The following SCML4 variants were observed in gnomAD, a reference collection of about 807,000 sequenced individuals.
SCML4 encodes Scm polycomb group protein like 4, also known as sex comb on midleg-like protein 4.
Under a neutral mutation model 41.1 loss-of-function variants are expected in SCML4, and 34 were observed. The ratio of observed to expected loss-of-function variants is 0.83; its 90% CI spans 0.63 to 1.10. The LOEUF (loss-of-function observed/expected upper bound fraction) is 1.10, where lower values mean the gene tolerates loss of function less well. SCML4 is among the 50% of genes least tolerant of loss of function. The pLI, the probability that SCML4 is intolerant of heterozygous loss-of-function variation, is 0.00. For synonymous variants in SCML4, 214 were observed against 220.9 expected, an observed-to-expected ratio of 0.97 and a Z score of 0.28; for missense variants, 522 against 534.1, an observed-to-expected ratio of 0.98 and a Z score of 0.22.
intron 5 of SCML4, among the ~76,000 whole-genome samples, chr6:107,744,319 C>T (rs1777862941): frequency 1.3e-5 from 2 of 152,178 alleles, no homozygotes; most frequent in African/African-American, 4.8e-5. Flanking sequence ...CCAAGGGCCA[C>T]TTTTCCATCC....
In SCML4 at chr6:107,703,643, G is replaced by A. The variant is rs527422607; in HGVS notation, c.*1557C>T. On this transcript the variant is annotated 3_prime_UTR_variant, in exon 8 of 8. Transcript: ENST00000369020. ...TCTGTACAACGGCAGCTGATCAAGCGGTGAGGAGGTTGAGCCCCCACCCTG... is the reference window on the plus strand; with the variant it reads ...TCTGTACAACGGCAGCTGATCAAGCAGTGAGGAGGTTGAGCCCCCACCCTG... Among the ~76,000 whole-genome samples the A allele has an allele frequency of 2.0e-5, 3 of 152,274 alleles. No individual in the cohort carries two copies. Among genetic ancestry groups the A allele is most frequent in the East Asian group, 1.9e-4 (1 of 5,178 alleles).
At chr6:107,827,287 AAT>A (rs981049220), upstream of SCML4, among the ~76,000 whole-genome samples, 7 of 146,304 alleles carry the variant, frequency 4.8e-5, no homozygotes, top group African/African-American at 1.7e-4. Flanking sequence ...TTTTTATTTA[AAT>A]ATATATTTGT....
chr6:107,730,514 T>C (rs1287574837), intron 5 of SCML4, among the ~76,000 whole-genome samples: 1 of 152,230 alleles, frequency 6.6e-6, no homozygotes, highest in African/African-American at 2.4e-5. Context: ...TACTCACTTC[T>C]GTAACCCTCT....
rs111981256 is a variant in SCML4, at chr6:107,749,617, A to T, written c.286+67T>A. The T allele has an allele frequency of 2.3e-5, 36 of 1,570,742 alleles. 1 individual carries two copies. The African/African-American group carries it at 3.8e-4, about 17-fold the overall frequency. ...ACAACTCTTTAATCCACAAAGTAACAATTAGATGGTAGCTGCCCTGTTCTC... is the reference window on the plus strand; with the variant it reads ...ACAACTCTTTAATCCACAAAGTAACTATTAGATGGTAGCTGCCCTGTTCTC... On this transcript the variant is annotated intron_variant, in intron 3 of 7. Coordinates refer to ENST00000369020, the MANE Select transcript of SCML4 (RefSeq NM_198081.5).
In SCML4 at chr6:107,702,568, T is replaced by G. The variant is rs549606334; in HGVS notation, c.*2632A>C. Reference sequence around the variant, plus strand: ...AAAAAGAGGAGTGAAAAACCTGGATTGTTGTGGGATTTTTCTGGATCTCAT... The same window carrying G: ...AAAAAGAGGAGTGAAAAACCTGGATGGTTGTGGGATTTTTCTGGATCTCAT... On this transcript the variant is annotated 3_prime_UTR_variant, in exon 8 of 8. Coordinates refer to ENST00000369020, the MANE Select transcript of SCML4 (RefSeq NM_198081.5). Among the ~76,000 whole-genome samples, 1 of 152,130 alleles carries G rather than the reference T, an allele frequency of 6.6e-6. No individual in the cohort carries two copies. The highest frequency in any genetic ancestry group is 1.5e-5 in the Non-Finnish European group (1 of 68,024).
At position 107,762,923 on chromosome 6, in the gene SCML4, C is replaced by T. The variant is rs532463221; in HGVS notation, c.156+9249G>A. Among the ~76,000 whole-genome samples the T allele has an allele frequency of 3.3e-5, 4 of 121,198 alleles. No individual in the cohort carries two copies. In the South Asian group the frequency reaches 1.2e-3, roughly 36 times the overall value. The allele number at this position is 121,198 out of a possible 152,430, so 79.5% of individuals were successfully genotyped here. On this transcript the variant is annotated intron_variant, in intron 2 of 7. Coordinates refer to ENST00000369020, the MANE Select transcript of SCML4 (RefSeq NM_198081.5). ...TTTTGTTCAAGGTCTCACTCTGTCA[C>T]TCAAGCTATAGTGCAGTGACACAAT...
intron 2 of SCML4, among the ~76,000 whole-genome samples, chr6:107,761,822 A>T (rs1188008605): frequency 6.7e-6 from 1 of 150,084 alleles, no homozygotes; most frequent in Non-Finnish European, 1.5e-5. Context: ...TTTTTTTTCA[A>T]AAGTGAAGGT....
intron 5 of SCML4, among the ~76,000 whole-genome samples, chr6:107,736,280 T>C (rs1777058609): frequency 6.6e-6 from 1 of 152,236 alleles, no homozygotes; most frequent in Non-Finnish European, 1.5e-5. Context: ...TTCACATCTT[T>C]GCTAGAAGCA....
At chr6:107,752,686 G>A (rs1213059951) in intron 2 of SCML4, among the ~76,000 whole-genome samples, 2 of 152,126 alleles carry the variant, frequency 1.3e-5, no homozygotes, top group Non-Finnish European at 2.9e-5. Context: ...GACTAGGAGT[G>A]GCCATTAGAT....
At position 107,712,551 on chromosome 6, in the gene SCML4, T is replaced by C. The variant is rs538876228; in HGVS notation, c.974-4540A>G. On this transcript the variant is annotated intron_variant, in intron 6 of 7. Coordinates refer to ENST00000369020, the MANE Select transcript of SCML4 (RefSeq NM_198081.5). ...GGCTTGCTGTGGGCACTTTTCACTTTTCCAGGATGGAGCAGAGGCAGCAGG... is the reference window on the plus strand; with the variant it reads ...GGCTTGCTGTGGGCACTTTTCACTTCTCCAGGATGGAGCAGAGGCAGCAGG... Among the ~76,000 whole-genome samples the C allele has an allele frequency of 3.3e-5, 5 of 152,282 alleles. No individual in the cohort carries two copies. In the South Asian group the frequency reaches 1.0e-3, roughly 32 times the overall value.
At chr6:107,825,983 G>A (rs1383824783), upstream of SCML4, among the ~76,000 whole-genome samples, 63 of 144,680 alleles carry the variant, frequency 4.4e-4, no homozygotes, top group African/African-American at 1.2e-3. Context: ...GGCTAGGTGT[G>A]GTGGCTCATG....
chr6:107,758,015 T>C (rs1779250264), intron 2 of SCML4, among the ~76,000 whole-genome samples: 1 of 152,174 alleles, frequency 6.6e-6, no homozygotes. Context: ...GTAATACCTA[T>C]CCTTTCCAAG....
At chr6:107,803,301 C>T (rs1783405112) in intron 1 of SCML4, among the ~76,000 whole-genome samples, 3 of 149,706 alleles carry the variant, frequency 2.0e-5, no homozygotes, top group Admixed American at 2.0e-4. Flanking sequence ...AAGTGAGGAG[C>T]CCCTCCGCCC....
chr6:107,820,713 C>T (rs957635937), intron 1 of SCML4, among the ~76,000 whole-genome samples: 5 of 152,222 alleles, frequency 3.3e-5, no homozygotes, highest in South Asian at 2.1e-4. Context: ...CCAGGGCGTT[C>T]GGACTTGGTA....
chr6:107,805,892 A>G (rs1487445614), intron 1 of SCML4, among the ~76,000 whole-genome samples: 2 of 152,202 alleles, frequency 1.3e-5, no homozygotes, highest in Admixed American at 1.3e-4. Flanking sequence ...ACCTCTGAAG[A>G]GAGCCAGGAT....
chr6:107,790,155 G>A (rs1244504867), intron 1 of SCML4, among the ~76,000 whole-genome samples: 2 of 152,156 alleles, frequency 1.3e-5, no homozygotes, highest in South Asian at 2.1e-4. Flanking sequence ...CTGGAGGTGG[G>A]TGGGAGATGT....
At chr6:107,730,097 C>T (rs1193040940) in intron 5 of SCML4, among the ~76,000 whole-genome samples, 1 of 152,180 alleles carries the variant, frequency 6.6e-6, no homozygotes, top group African/African-American at 2.4e-5. Context: ...TGCAGAACTA[C>T]TAGGAGCTTA....
chr6:107,707,836 C>T (rs1773819374), intron 7 of SCML4, 30 bp downstream of exon 7: 2 of 1,551,586 alleles, frequency 1.3e-6, no homozygotes, highest in South Asian at 1.2e-5. Flanking sequence ...CCCTCAATCC[C>T]CCCCAAGGTC....
chr6:107,739,420 T>G (rs1267184766), intron 5 of SCML4, among the ~76,000 whole-genome samples: 2 of 152,206 alleles, frequency 1.3e-5, no homozygotes, highest in Non-Finnish European at 2.9e-5. Context: ...GTTCCTTAGC[T>G]GTCATGGCTT....
Sources: gnomAD v4.1 joint callset for allele counts (sites outside exome capture counted in the v4.1 genomes callset) on GRCh38, gnomAD v4.1.1 for gene constraint, MANE v1.5 for transcripts, NCBI Gene and HGNC (gene_info 2026-07-23, HGNC 2026-07-21) for gene names.